LRRC74B: variants seen among roughly 807,000 people sequenced by gnomAD.
LRRC74B encodes the protein leucine-rich repeat-containing protein 74B.
Under a neutral mutation model 16.6 loss-of-function variants are expected in LRRC74B, and 30 were observed. The observed-to-expected ratio is 1.80, with a 90% CI of 1.35 to 2.45. The LOEUF (loss-of-function observed/expected upper bound fraction) is 2.45, where lower values mean the gene tolerates loss of function less well. Ranked by LOEUF, LRRC74B falls within the 30% of genes most tolerant of loss-of-function variation. The pLI, the probability that LRRC74B is intolerant of heterozygous loss-of-function variation, is 0.00. For missense variants in LRRC74B, 326 were observed against 202.4 expected, an observed-to-expected ratio of 1.61 and a Z score of -3.71; for synonymous variants, 134 against 86.0, an observed-to-expected ratio of 1.56 and a Z score of -3.09.
intron 2 of LRRC74B, 119 bp from the exon 3 acceptor site, chr22:21,047,765 C>A: frequency 1.5e-6 from 1 of 647,784 alleles, no homozygotes. Context: ...AAAGGAGAAG[C>A]AGGTGTCACT....
intron 4 of LRRC74B, 108 bp from the exon 5 acceptor site, chr22:21,052,141 T>C: frequency 1.5e-6 from 1 of 682,546 alleles, no homozygotes; most frequent in Admixed American, 2.1e-5. Flanking sequence ...TAGTTTCATG[T>C]CTGTGACCCT....
At chr22:21,056,264 G>A (rs1449979124) in intron 7 of LRRC74B, among the ~76,000 whole-genome samples, 5 of 152,328 alleles carry the variant, frequency 3.3e-5, no homozygotes, top group African/African-American at 1.2e-4. Context: ...CACTTCGGGA[G>A]GCTGAGGCAG....
At chr22:21,045,959 T>A (rs1192072028), upstream of LRRC74B, 1 of 715,890 alleles carries the variant, frequency 1.4e-6, no homozygotes, top group Non-Finnish European at 2.6e-6. Context: ...TCCGACTCAG[T>A]GTCTGAGACT....
In LRRC74B at chr22:21,055,191, G is replaced by C. The variant is rs1930411739; in HGVS notation, c.927+15G>C. The C allele has an allele frequency of 4.2e-6, 3 of 712,286 alleles. No homozygotes were observed. In the African/African-American group the frequency reaches 5.3e-5, roughly 12 times the overall value. The allele number at this position is 712,286 out of a possible 1,614,324, so 44.1% of individuals were successfully genotyped here. A position where few individuals can be genotyped will look rare whatever the true frequency, so the allele number is the denominator to read the frequency against. ...GGATTCTTGTAGTGAGTGCTAGCCT[G>C]ATGACTGAGACACCAGCACAGACCT... On this transcript the variant is annotated intron_variant, in intron 7 of 8. Coordinates refer to ENST00000442047, the Ensembl canonical transcript of LRRC74B.
intron 4 of LRRC74B, among the ~76,000 whole-genome samples, chr22:21,050,777 C>CAAAAA (rs71188205): frequency 9.6e-6 from 1 of 104,180 alleles, no homozygotes. Flanking sequence ...GACTCTGTCT[C>CAAAAA]AAAAAAAAAA....
intron 7 of LRRC74B, among the ~76,000 whole-genome samples, chr22:21,055,925 G>A (rs1930488782): frequency 6.6e-6 from 1 of 152,128 alleles, no homozygotes; most frequent in African/African-American, 2.4e-5. Context: ...CCCTCTAAGG[G>A]CCACCTCCTG....
chr22:21,047,108 A>T (rs1929510469), intron 1 of LRRC74B, among the ~76,000 whole-genome samples: 1 of 151,520 alleles, frequency 6.6e-6, no homozygotes, highest in South Asian at 2.1e-4. Flanking sequence ...AAAAAAAAAG[A>T]AAATTTGTCT....
At chr22:21,062,309 A>G (rs558401319), downstream of LRRC74B, 1 of 152,346 alleles carries the variant, frequency 6.6e-6, no homozygotes, top group East Asian at 1.9e-4. Flanking sequence ...TGAATACGCT[A>G]AAAACCGCTC....
intron 4 of LRRC74B, 86 bp downstream of exon 4, chr22:21,049,243 A>G (rs1929773096): frequency 3.3e-6 from 2 of 611,948 alleles, no homozygotes; most frequent in Non-Finnish European, 6.0e-6. Context: ...CGCGCTGCAC[A>G]TCGCCAGGGA....
intron 6 of LRRC74B, among the ~76,000 whole-genome samples, chr22:21,054,159 C>T (rs1331664210): frequency 6.6e-6 from 1 of 152,208 alleles, no homozygotes; most frequent in Non-Finnish European, 1.5e-5. Flanking sequence ...GACTCCATCT[C>T]TATGCGAAAT....
At chr22:21,048,162 A>ATG in intron 3 of LRRC74B, 146 bp downstream of exon 3, 1 of 651,100 alleles carries the variant, frequency 1.5e-6, no homozygotes, top group Non-Finnish European at 2.8e-6. Context: ...AGGAGGGGGC[A>ATG]TGTGGGGTGG....
chr22:21,056,785 ACACT>A (rs906111907), intron 7 of LRRC74B: 3 of 262,172 alleles, frequency 1.1e-5, no homozygotes, highest in African/African-American at 2.2e-5. Flanking sequence ...GAGCTGGTGC[ACACT>A]CACTCACTGC....
intron 5 of LRRC74B, among the ~76,000 whole-genome samples, chr22:21,052,900 G>A (rs112618449): frequency 0.039 from 6,006 of 152,246 alleles, 327 homozygotes; most frequent in African/African-American, 0.11. Context: ...TGACCTTGGG[G>A]TCCTGCCCCA....
chr22:21,059,186 G>A (rs1384065171), intron 8 of LRRC74B, among the ~76,000 whole-genome samples: 11 of 152,330 alleles, frequency 7.2e-5, no homozygotes, highest in Admixed American at 2.6e-4. Flanking sequence ...TCAGGAGTTC[G>A]AGATCAGTCT....
At chr22:21,046,041 A>G (rs1036691089) in exon 1 of LRRC74B, 6 of 717,326 alleles carry the variant, frequency 8.4e-6, no homozygotes, top group African/African-American at 5.2e-5. Flanking sequence ...AGAAGAGGCT[A>G]TGGTGGCCTG....
chr22:21,057,553 T>C (rs1173023257), intron 8 of LRRC74B, among the ~76,000 whole-genome samples: 1 of 148,990 alleles, frequency 6.7e-6, no homozygotes, highest in African/African-American at 2.5e-5. Flanking sequence ...TGTCTGCAGG[T>C]GGACTGTGGT....
upstream of LRRC74B, chr22:21,045,957 A>C: frequency 1.4e-6 from 1 of 714,484 alleles, no homozygotes; most frequent in Non-Finnish European, 2.6e-6. Flanking sequence ...TCTCCGACTC[A>C]GTGTCTGAGA....
downstream of LRRC74B, chr22:21,062,097 A>G (rs1930835650): frequency 6.6e-6 from 1 of 152,250 alleles, no homozygotes; most frequent in African/African-American, 2.4e-5. Context: ...AAGTGAAAGA[A>G]GCCAGCCACA....
At position 21,057,324 on chromosome 22, in the gene LRRC74B, G is replaced by A. The variant is rs779188996; in HGVS notation, c.1023+124G>A. Reference sequence around the variant, plus strand: ...CCCTGCCCAGTTACACAGCGTGGCAGAAGCAGAGTTGCAACGGGACTTGAA... The same window carrying A: ...CCCTGCCCAGTTACACAGCGTGGCAAAAGCAGAGTTGCAACGGGACTTGAA... On this transcript the variant is annotated intron_variant, in intron 8 of 8. Coordinates refer to ENST00000442047, the Ensembl canonical transcript of LRRC74B. 13 of 622,294 alleles carry A rather than the reference G, an allele frequency of 2.1e-5. No individual in the cohort carries two copies. In the East Asian group the frequency reaches 3.6e-4, roughly 17 times the overall value. The allele number at this position is 622,294 out of a possible 1,614,324, so 38.5% of individuals were successfully genotyped here. A position where few individuals can be genotyped will look rare whatever the true frequency, so the allele number is the denominator to read the frequency against.
Sources: allele counts gnomAD v4.1 joint callset (sites outside exome capture counted in the v4.1 genomes callset), GRCh38; gene constraint gnomAD v4.1.1; transcripts MANE v1.5; gene names NCBI Gene and HGNC (gene_info 2026-07-23, HGNC 2026-07-21).